JAK3: variants seen among roughly 807,000 people sequenced by gnomAD.
JAK3 encodes the protein Janus kinase 3, also known as tyrosine-protein kinase JAK3.
In JAK3, 88 loss-of-function variants were observed where a neutral mutation model predicts 120.8. The observed-to-expected ratio is 0.73, with a 90% confidence interval of 0.61 to 0.87. The LOEUF (loss-of-function observed/expected upper bound fraction) is 0.87. Among genes scored for constraint, JAK3 ranks in the 40% least tolerant of loss-of-function variants. The probability of loss-of-function intolerance (pLI) is 0.00; values close to 1 mark genes in which losing one functional copy is unlikely to be tolerated. For synonymous variants in JAK3, 592 were observed against 628.6 expected, an observed-to-expected ratio of 0.94 and a Z score of 0.87; for missense variants, 1,254 against 1,501.4, an observed-to-expected ratio of 0.84 and a Z score of 2.72.
Position 17,835,994 on chromosome 19 carries a change from C to T in JAK3, c.1844G>A (p.Arg615His), listed in dbSNP as rs764977510. The T allele has an allele frequency of 2.5e-6, 4 of 1,613,986 alleles. No homozygotes were observed. Among genetic ancestry groups the T allele is most frequent in the Admixed American group, 1.7e-5 (1 of 59,998 alleles). The change falls in exon 14 of 24, where the codon CGT becomes CAT. Residue 615 changes from arginine to histidine, a missense_variant. Arg to His is a conservative substitution (Grantham distance 29). This residue lies in a region of JAK3 where 630 missense variants were observed against 819.8 expected (regional missense o/e 0.77). Coordinates refer to ENST00000458235, the MANE Select transcript of JAK3 (RefSeq NM_000215.4). ...CCAGCTGGCTGGCACCAGGTGGCCA[C>T]GTTTTCGCAGATACATGTCTATGGC... ...LGAIDMYLRK[R>H]GHLVPASWKL... is the part of the protein sequence containing the mutation.
intron 21 of JAK3, 85 bp from the exon 22 acceptor site, chr19:17,830,705 G>T: frequency 9.4e-7 from 1 of 1,065,962 alleles, no homozygotes; most frequent in South Asian, 1.3e-5. Flanking sequence ...AACTGGTCAG[G>T]GTAGGTGGGG....
chr19:17,836,664 C>A, intron 13 of JAK3: 1 of 409,808 alleles, frequency 2.4e-6, no homozygotes, highest in South Asian at 2.4e-5. Flanking sequence ...CTTATCTTTC[C>A]AGGTTAGAAT....
rs201132330 is a variant in JAK3, at chr19:17,839,529, G to T, written c.1389C>A (p.His463Gln). The change falls in exon 10 of 24, where the codon CAC becomes CAA. Residue 463 changes from histidine to glutamine, a missense_variant. Transcript: ENST00000458235. Reference sequence around the variant, plus strand: ...TGAGGGTCACTGCCACCCCATCTACGTGCAGCCCCCCATCCCAGCAGGTTG... The same window carrying T: ...TGAGGGTCACTGCCACCCCATCTACTTGCAGCCCCCCATCCCAGCAGGTTG... ...LLATCWDGGL[H>Q]VDGVAVTLTS... 2.6e-5 allele frequency: 41 copies of T among 1,601,396 alleles called. No individual in the cohort carries two copies. The highest frequency in any genetic ancestry group is 3.1e-5 in the Non-Finnish European group (36 of 1,174,264).
At chr19:17,828,250 T>C (rs2094207861) in intron 23 of JAK3, among the ~76,000 whole-genome samples, 2 of 151,498 alleles carry the variant, frequency 1.3e-5, no homozygotes, top group Non-Finnish European at 2.9e-5. Flanking sequence ...TTTTGTTTTG[T>C]TTTGTTTTGT....
chr19:17,827,066 G>A (rs548787736), intron 23 of JAK3, among the ~76,000 whole-genome samples, 156 bp from the exon 24 acceptor site: 115 of 152,224 alleles, frequency 7.6e-4, no homozygotes, highest in Non-Finnish European at 1.4e-3. Flanking sequence ...TGCAACCTCC[G>A]CCTCCCGGGT....
intron 1 of JAK3, among the ~76,000 whole-genome samples, chr19:17,847,629 G>A (rs533775157): frequency 3.6e-4 from 55 of 152,220 alleles, no homozygotes; most frequent in Non-Finnish European, 8.8e-5. Flanking sequence ...TAGGGGCTGG[G>A]AACTCCGCCC....
intron 15 of JAK3, 25 bp downstream of exon 15, chr19:17,835,058 C>T (rs140896149): frequency 6.2e-7 from 1 of 1,614,156 alleles, no homozygotes; most frequent in East Asian, 2.2e-5. Flanking sequence ...CTCAGCCCCT[C>T]CCTCCTCCAC....
Position 17,832,516 on chromosome 19 carries a change from C to G in JAK3, c.2680+3G>C, listed in dbSNP as rs749481781. The G allele has an allele frequency of 2.6e-5, 42 of 1,614,042 alleles. No homozygotes were observed. Among genetic ancestry groups the G allele is most frequent in the Non-Finnish European group, 3.5e-5 (41 of 1,180,014 alleles). Reference sequence around the variant, plus strand: ...TGGTTCACTCATCCGGGAGCTGGCTCACCCGGGCCATAGCTGACACCACGA... The same window carrying G: ...TGGTTCACTCATCCGGGAGCTGGCTGACCCGGGCCATAGCTGACACCACGA... On this transcript the variant is annotated splice_donor_region_variant and intron_variant, in intron 19 of 23. Transcript: ENST00000458235. This position sits in a 1 kb window ranked among gnomAD's most constrained non-coding sequence, Gnocchi z 4.7.
rs374300158 is a variant in JAK3 at position 17,830,495 on chromosome 19, C to G, written c.3096+8G>C. On this transcript the variant is annotated splice_region_variant and intron_variant, in intron 22 of 23. Coordinates refer to ENST00000458235, the MANE Select transcript of JAK3 (RefSeq NM_000215.4). ...AAGAAGGCTGGGGGCTCTGGGAAGC[C>G]GACTCACGGCCGAGGGGCTGCAGCT... 1.9e-6 allele frequency: 3 copies of G among 1,608,468 alleles called. No individual in the cohort carries two copies. The highest frequency in any genetic ancestry group is 2.6e-6 in the Non-Finnish European group (3 of 1,176,082).
At chr19:17,827,264 C>T (rs906176731) in intron 23 of JAK3, among the ~76,000 whole-genome samples, 10 of 152,252 alleles carry the variant, frequency 6.6e-5, no homozygotes, top group African/African-American at 2.4e-4. Context: ...TAGGCATGAG[C>T]CACCGCACTC....
chr19:17,834,864 C>T lies in JAK3; in HGVS notation c.2187G>A (p.Leu729=). The change falls in exon 16 of 24, where the codon CTG becomes CTA. Residue 729 remains leucine, a synonymous_variant. Coordinates refer to ENST00000458235, the MANE Select transcript of JAK3 (RefSeq NM_000215.4). ...GAGGGGCTCTGACCTTAGCAGGATC[C>T]AGGGCACTGATGGGCATGGTGACGC... The part of the protein sequence containing the change: ...FSGVTMPISA[L]DPAKKLQFYE... 1 of 1,614,160 alleles carries T rather than the reference C, an allele frequency of 6.2e-7. No individual in the cohort carries two copies. The highest frequency in any genetic ancestry group is 1.3e-5 in the African/African-American group (1 of 75,044).
chr19:17,842,528 C>G lies in JAK3; in HGVS notation c.649G>C (p.Val217Leu). 6.3e-7 allele frequency: 1 copy of G among 1,591,218 alleles called. No homozygotes were observed. The highest frequency in any genetic ancestry group is 8.5e-7 in the Non-Finnish European group (1 of 1,169,740). Reference sequence around the variant, plus strand: ...GCCACGCGGCGCAGGGCTCTGCGCACCGTCCTCCGAATACGCCTCCGCGTC... The same window carrying G: ...GCCACGCGGCGCAGGGCTCTGCGCAGCGTCCTCCGAATACGCCTCCGCGTC... ...FVTRRRIRRT[V>L]RRALRRVAAC... Residue 217 changes from valine to leucine, a missense_variant, in exon 6 of 24, where the codon GTG becomes CTG. Physicochemically the swap from Val to Leu is conservative, Grantham distance 32. Around this residue, in one of 3 missense-constraint regions of JAK3, gnomAD observed 486 missense variants for 503.0 expected, o/e 0.97. Transcript: ENST00000458235. The surrounding 1 kb of genome is among the most constrained non-coding windows in gnomAD (Gnocchi z 6.4).
Position 17,842,628 on chromosome 19 carries a change from G to C in JAK3, c.567-18C>G, listed in dbSNP as rs751638368. 1 of 1,546,104 alleles carries C rather than the reference G, an allele frequency of 6.5e-7. No individual in the cohort carries two copies. Among genetic ancestry groups the C allele is most frequent in the African/African-American group, 1.4e-5 (1 of 73,514 alleles). On this transcript the variant is annotated intron_variant, in intron 5 of 23. Transcript: ENST00000458235. The surrounding 1 kb of genome is among the most constrained non-coding windows in gnomAD (Gnocchi z 6.4). ...CCTTGTAGCTGCAGGGGTTGGAGGG[G>C]AGGGAGCCGGCCCTCAGCGTCGGGA...
rs2094232521 is a variant in JAK3, at chr19:17,839,554, G to A, written c.1364C>T (p.Ala455Val). 3 of 1,608,158 alleles carry A rather than the reference G, an allele frequency of 1.9e-6. No homozygotes were observed. Among genetic ancestry groups the A allele is most frequent in the Non-Finnish European group, 2.5e-6 (3 of 1,177,644 alleles). Residue 455 changes from alanine (A) to valine (V), a missense_variant, in exon 10 of 24, where the codon GCA becomes GTA. Around this residue, in one of 3 missense-constraint regions of JAK3, gnomAD observed 486 missense variants for 503.0 expected, o/e 0.97. Transcript: ENST00000458235. ...GTGCAGCCCCCCATCCCAGCAGGTT[G>A]CCAGGAGCTCTCGAAGACTGCTGTG... ...RPHSSLRELL[A>V]TCWDGGLHVD...
chr19:17,832,832 G>T lies in JAK3; in HGVS notation c.2448C>A (p.Ile816=). 1 of 1,614,260 alleles carries T rather than the reference G, an allele frequency of 6.2e-7. No homozygotes were observed. Among genetic ancestry groups the T allele is most frequent in the Non-Finnish European group, 8.5e-7 (1 of 1,180,050 alleles). ...TGTACTTGAGGTGTCTCTCCTCGAA[G>T]ATCGTGGGGTCTTGGCAGGCATAGA... ...AQLYACQDPT[I]FEERHLKYIS... Residue 816 remains isoleucine, a synonymous_variant, in exon 18 of 24, where the codon ATC becomes ATA. Coordinates refer to ENST00000458235, the MANE Select transcript of JAK3 (RefSeq NM_000215.4). The surrounding 1 kb of genome is among the most constrained non-coding windows in gnomAD (Gnocchi z 4.7).
rs3212776 is a variant in JAK3, at chr19:17,831,150, G to A, written c.2978+78C>T. The A allele has an allele frequency of 3.8e-3, 5,710 of 1,496,614 alleles. 229 individuals are homozygous for A. The African/African-American group carries it at 0.07, about 18-fold the overall frequency. 92.7% of individuals were successfully genotyped at this position (1,496,614 alleles called of 1,614,324 possible). A position where few individuals can be genotyped will look rare whatever the true frequency, so the allele number is the denominator to read the frequency against. On this transcript the variant is annotated intron_variant, in intron 21 of 23. Transcript: ENST00000458235. The surrounding 1 kb of genome is among the most constrained non-coding windows in gnomAD (Gnocchi z 5.1). ...GCTAAGGCTGGGGAGCAAAGCAGCG[G>A]GAGGGGGCGGGGGCATGGCTGGGGG...
chr19:17,843,754 G>C lies in JAK3; in HGVS notation c.308+23C>G, dbSNP rs201781864. 6.2e-7 allele frequency: 1 copy of C among 1,612,474 alleles called. No individual in the cohort carries two copies. On this transcript the variant is annotated intron_variant, in intron 3 of 23. Coordinates refer to ENST00000458235, the MANE Select transcript of JAK3 (RefSeq NM_000215.4). This position sits in a 1 kb window ranked among gnomAD's most constrained non-coding sequence, Gnocchi z 5.4. ...GAGATGATAAAATTGTACAATCCCT[G>C]GGGGCTGGGGGGCACTTCCTACCGA...
intron 13 of JAK3, 54 bp from the exon 14 acceptor site, chr19:17,836,105 A>G (rs2094223753): frequency 6.2e-7 from 1 of 1,606,934 alleles, no homozygotes; most frequent in Admixed American, 1.7e-5. Context: ...ACTTGTGTTG[A>G]GGAGGTTCTG....
In JAK3 at chr19:17,831,850, AT is replaced by A. The variant is rs764221506; in HGVS notation, c.2681-53del. 1.9e-6 allele frequency: 3 copies of A among 1,603,852 alleles called. No homozygotes were observed. The highest frequency in any genetic ancestry group is 2.6e-6 in the Non-Finnish European group (3 of 1,174,172). On this transcript the variant is annotated intron_variant, in intron 19 of 23. Transcript: ENST00000458235. This position sits in a 1 kb window ranked among gnomAD's most constrained non-coding sequence, Gnocchi z 5.1. ...AGGGCCCAGCCCTGCTCGTCCCCCC[AT>A]TCTTCCCCCCTTTCACAGTGGGACC...
Sources: gnomAD v4.1 joint callset for allele counts (sites outside exome capture counted in the v4.1 genomes callset) on GRCh38, gnomAD v4.1.1 for gene constraint, gnomAD v4.1.1 regional missense constraint, Gnocchi (gnomAD v3.1) non-coding constraint, MANE v1.5 for transcripts, NCBI Gene and HGNC (gene_info 2026-07-23, HGNC 2026-07-21) for gene names.